CTNND2: variants seen among roughly 807,000 people sequenced by gnomAD.
CTNND2 encodes catenin delta-2.
Under a neutral mutation model 144.4 loss-of-function variants are expected in CTNND2, and 22 were observed. That is an observed-to-expected ratio of 0.15 (90% CI 0.11 to 0.22). The LOEUF is 0.22. CTNND2 is among the 10% of genes least tolerant of loss of function. The probability of loss-of-function intolerance (pLI) is 1.00; values close to 1 mark genes in which losing one functional copy is unlikely to be tolerated. For synonymous variants in CTNND2, 751 were observed against 695.6 expected (o/e 1.08, Z -1.25); for missense variants, 1,353 against 1,618.8 (o/e 0.84, Z 2.82).
intron 9 of CTNND2, among the ~76,000 whole-genome samples, chr5:11,246,913 C>T (rs1743062745): frequency 6.6e-6 from 1 of 152,060 alleles, no homozygotes; most frequent in East Asian, 1.9e-4. Context: ...AAGTGAGTCC[C>T]GGGCCCTACT....
intron 8 of CTNND2, among the ~76,000 whole-genome samples, chr5:11,361,207 G>T (rs1756416433): frequency 1.3e-5 from 2 of 152,154 alleles, no homozygotes; most frequent in African/African-American, 4.8e-5. Context: ...TTTTAGTAGA[G>T]ACGGGGTTTC....
chr5:11,106,065 G>A lies in CTNND2; in HGVS notation c.2463+4793C>T, dbSNP rs1371301915. Among the ~76,000 whole-genome samples the A allele has an allele frequency of 2.0e-5, 3 of 152,298 alleles. No homozygotes were observed. The East Asian group carries it at 5.8e-4, about 29-fold the overall frequency. On this transcript the variant is annotated intron_variant, in intron 14 of 21. Transcript: ENST00000304623. ...CCTAGGAGCATCCAAATGTCATGAG[G>A]AGCAGATGCATGAAGTGATAATAAA... is the stretch of plus-strand genomic sequence containing the variant.
chr5:11,728,575 C>T (rs1211380118), intron 2 of CTNND2, among the ~76,000 whole-genome samples: 1 of 152,154 alleles, frequency 6.6e-6, no homozygotes, highest in Admixed American at 6.5e-5. Flanking sequence ...GTCTGTTTTG[C>T]TACCTTTGAA....
chr5:11,208,111 A>C (rs1738240238), intron 10 of CTNND2, among the ~76,000 whole-genome samples: 1 of 152,194 alleles, frequency 6.6e-6, no homozygotes, highest in Non-Finnish European at 1.5e-5. Context: ...CATTCAGAAA[A>C]GCAACATGGT....
chr5:11,361,098 G>A (rs768567039), intron 8 of CTNND2, among the ~76,000 whole-genome samples: 12 of 152,080 alleles, frequency 7.9e-5, no homozygotes, highest in South Asian at 2.1e-4. Flanking sequence ...CTGGCTCAGC[G>A]CAACCTCCAT....
At chr5:11,284,899 T>C (rs1052056242) in intron 9 of CTNND2, among the ~76,000 whole-genome samples, 3 of 152,180 alleles carry the variant, frequency 2.0e-5, no homozygotes, top group Non-Finnish European at 4.4e-5. Flanking sequence ...GGCTGAGTGA[T>C]AGCAGAAACC....
intron 12 of CTNND2, among the ~76,000 whole-genome samples, chr5:11,127,483 T>A (rs2149709338): frequency 6.6e-6 from 1 of 152,306 alleles, no homozygotes; most frequent in Non-Finnish European, 1.5e-5. Flanking sequence ...TTCAAGTCCC[T>A]TACAAGAGGC....
At chr5:11,768,925 C>T (rs911646667) in intron 1 of CTNND2, among the ~76,000 whole-genome samples, 3 of 152,118 alleles carry the variant, frequency 2.0e-5, no homozygotes, top group Non-Finnish European at 2.9e-5. Flanking sequence ...TAGGTAAGAG[C>T]TCCCCTCAGT....
In CTNND2 at chr5:11,384,640, G is replaced by A. The variant is rs1256469712; in HGVS notation, c.1177+25C>T. The A allele has an allele frequency of 1.9e-6, 3 of 1,581,908 alleles. No homozygotes were observed. Among genetic ancestry groups the A allele is most frequent in the Admixed American group, 1.7e-5 (1 of 57,570 alleles). On this transcript the variant is annotated intron_variant, in intron 7 of 21. Coordinates refer to ENST00000304623, the MANE Select transcript of CTNND2 (RefSeq NM_001332.4). This position sits in a 1 kb window ranked among gnomAD's most constrained non-coding sequence, Gnocchi z 5.2. The stretch of plus-strand genomic sequence containing the variant: ...TCCCCGCCACGCGCCCAGGTGAGTC[G>A]CGCCAGGTGGCAGCGAGCCTTTACC...
intron 21 of CTNND2, among the ~76,000 whole-genome samples, chr5:10,977,014 G>A (rs781227259): frequency 6.6e-6 from 1 of 152,228 alleles, no homozygotes; most frequent in Non-Finnish European, 1.5e-5. Context: ...GGCCTCTGGC[G>A]ATGGGCCCCA....
At chr5:11,335,338 C>T (rs1013696795) in intron 9 of CTNND2, among the ~76,000 whole-genome samples, 1 of 152,202 alleles carries the variant, frequency 6.6e-6, no homozygotes, top group African/African-American at 2.4e-5. Context: ...ATTAGTTAAA[C>T]ACTGACAGTC....
At chr5:11,846,080 AT>A (rs1255280211) in intron 1 of CTNND2, among the ~76,000 whole-genome samples, 5 of 152,206 alleles carry the variant, frequency 3.3e-5, no homozygotes, top group African/African-American at 1.2e-4. Context: ...ATAGGAGCGA[AT>A]TGGTGAACTT....
intron 6 of CTNND2, among the ~76,000 whole-genome samples, chr5:11,385,584 C>G (rs996080901): frequency 2.0e-5 from 3 of 152,170 alleles, no homozygotes; most frequent in African/African-American, 7.2e-5. Context: ...CATGATCTCC[C>G]TGGTCGCAAT....
chr5:11,299,313 T>C (rs771604340), intron 9 of CTNND2, among the ~76,000 whole-genome samples: 16 of 152,158 alleles, frequency 1.1e-4, no homozygotes, highest in Non-Finnish European at 1.6e-4. Context: ...GTCAAACTCT[T>C]TGGTATATAC....
chr5:11,061,168 A>G (rs1194296859), intron 16 of CTNND2, among the ~76,000 whole-genome samples: 1 of 151,976 alleles, frequency 6.6e-6, no homozygotes, highest in Non-Finnish European at 1.5e-5. Flanking sequence ...TATTTCATCC[A>G]TCAGCAAACC....
chr5:11,318,863 T>C (rs977645139), intron 9 of CTNND2, among the ~76,000 whole-genome samples: 1 of 152,034 alleles, frequency 6.6e-6, no homozygotes, highest in African/African-American at 2.4e-5. Flanking sequence ...CCACTCTAGG[T>C]GCTGCCCCAT....
At chr5:11,646,884 G>A (rs1357736130) in intron 2 of CTNND2, among the ~76,000 whole-genome samples, 3 of 152,106 alleles carry the variant, frequency 2.0e-5, no homozygotes, top group African/African-American at 4.8e-5. Context: ...TCACTGCTCA[G>A]GAAGCTGCTG....
intron 20 of CTNND2, among the ~76,000 whole-genome samples, chr5:10,983,022 G>T (rs1347398801): frequency 1.3e-5 from 2 of 152,140 alleles, no homozygotes; most frequent in African/African-American, 4.8e-5. Flanking sequence ...TTGGGAGAGA[G>T]GAATAAGAGG....
Position 11,220,937 on chromosome 5 carries a change from A to G in CTNND2, c.1761+15754T>C, listed in dbSNP as rs148576575. Among the ~76,000 whole-genome samples, 4 of 152,354 alleles carry G rather than the reference A, an allele frequency of 2.6e-5. No homozygotes were observed. The East Asian group carries it at 7.7e-4, about 29-fold the overall frequency. ...AGAAATCATCCCATAAGTACAATTA[A>G]ATGCAAATAACAAAAGAGTTAATGC... On this transcript the variant is annotated intron_variant, in intron 10 of 21. Transcript: ENST00000304623.
Sources: allele counts gnomAD v4.1 joint callset (sites outside exome capture counted in the v4.1 genomes callset), GRCh38; gene constraint gnomAD v4.1.1; non-coding constraint Gnocchi (gnomAD v3.1); transcripts MANE v1.5; gene names NCBI Gene and HGNC (gene_info 2026-07-23, HGNC 2026-07-21).